The following GPM6A variants were observed in gnomAD, a reference collection of about 807,000 sequenced individuals.
GPM6A encodes glycoprotein M6A.
Under a neutral mutation model 32.1 loss-of-function variants are expected in GPM6A, and 7 were observed. The ratio of observed to expected loss-of-function variants is 0.22; its 90% CI spans 0.12 to 0.41. The LOEUF is 0.41. Ranked by LOEUF, GPM6A falls within the 10% of genes least tolerant of loss-of-function variation. GPM6A has a pLI of 1.00. For synonymous variants in GPM6A, 130 were observed against 123.4 expected, an observed-to-expected ratio of 1.05 and a Z score of -0.35; for missense variants, 235 against 347.2, an observed-to-expected ratio of 0.68 and a Z score of 2.57.
At chr4:175,785,990 G>GA (rs201815247) in intron 1 of GPM6A, among the ~76,000 whole-genome samples, 1 of 151,148 alleles carries the variant, frequency 6.6e-6, no homozygotes, top group Non-Finnish European at 1.5e-5. Flanking sequence ...CTTCGATAGA[G>GA]AAAAAAGAAA....
intron 1 of GPM6A, among the ~76,000 whole-genome samples, chr4:175,820,500 C>CTTTTTTT (rs66569311): frequency 6.4e-4 from 72 of 112,096 alleles, no homozygotes; most frequent in Non-Finnish European, 9.3e-4. Context: ...TCTTTTCTTT[C>CTTTTTTT]TTTTTTTTTT....
At chr4:175,785,563 C>G (rs1336316898) in intron 1 of GPM6A, among the ~76,000 whole-genome samples, 2 of 152,170 alleles carry the variant, frequency 1.3e-5, no homozygotes, top group Non-Finnish European at 2.9e-5. Context: ...TCACCCTTAA[C>G]AGTTACCCAA....
intron 3 of GPM6A, among the ~76,000 whole-genome samples, chr4:175,671,387 A>T (rs1248349020): frequency 2.0e-5 from 3 of 149,306 alleles, no homozygotes; most frequent in Admixed American, 6.8e-5. Flanking sequence ...GCACAGACTC[A>T]TTCACAGCTA....
In GPM6A at chr4:175,634,330, T is replaced by G. The variant is rs1174719993; in HGVS notation, c.*575A>C. On this transcript the variant is annotated 3_prime_UTR_variant, in exon 7 of 7. Transcript: ENST00000393658. ...TTTTTTAAACCTACTCTTACAAATT[T>G]AGAAATTGCACCTTAGATTGATGAA... 6.6e-6 allele frequency: 1 copy of G among 152,496 alleles called. No individual in the cohort carries two copies. The allele number at this position is 152,496 out of a possible 1,614,324, so 9.4% of individuals were successfully genotyped here. A position where few individuals can be genotyped will look rare whatever the true frequency, so the allele number is the denominator to read the frequency against.
chr4:175,714,434 A>C (rs1745723713), intron 1 of GPM6A, among the ~76,000 whole-genome samples: 2 of 151,968 alleles, frequency 1.3e-5, no homozygotes, highest in South Asian at 4.2e-4. Context: ...CCCAGGCTGG[A>C]GTGCAGTGGT....
chr4:175,648,400 A>T (rs1179756785), intron 4 of GPM6A, among the ~76,000 whole-genome samples: 2 of 152,216 alleles, frequency 1.3e-5, no homozygotes, highest in African/African-American at 4.8e-5. Flanking sequence ...GGGAGAGGCA[A>T]CTTTGCTGGC....
chr4:175,765,650 A>G (rs985427930), intron 1 of GPM6A, among the ~76,000 whole-genome samples: 1 of 152,162 alleles, frequency 6.6e-6, no homozygotes, highest in African/African-American at 2.4e-5. Context: ...GTATTTTTAT[A>G]CCCATATGTC....
chr4:175,861,095 T>C (rs1414797273), intron 1 of GPM6A, among the ~76,000 whole-genome samples: 1 of 152,056 alleles, frequency 6.6e-6, no homozygotes, highest in Admixed American at 6.6e-5. Context: ...GCTAATAACA[T>C]GCATATATAA....
rs767804970 is a variant in GPM6A, at chr4:175,826,285, TTCTCTC to T, written c.-22-14042_-22-14037del. On this transcript the variant is annotated intron_variant, in intron 1 of 7. Transcript: ENST00000280187. Reference sequence around the variant, plus strand: ...ACCTAATGCAGAAATTAATCTCTCTTTCTCTCTCTCTCTCTCTCTCCCCCTCCTCCC... The same window carrying T: ...ACCTAATGCAGAAATTAATCTCTCTTTCTCTCTCTCTCTCCCCCTCCTCCC... 2.7e-5 allele frequency among the ~76,000 whole-genome samples: 4 copies of T among 148,088 alleles called. No individual in the cohort carries two copies. The East Asian group carries it at 5.9e-4, about 22-fold the overall frequency.
chr4:175,845,324 A>G lies in GPM6A; in HGVS notation c.-22-33075T>C, dbSNP rs543023118. Among the ~76,000 whole-genome samples the G allele has an allele frequency of 1.9e-3, 291 of 152,228 alleles. 1 individual carries two copies. Among genetic ancestry groups the G allele is most frequent in the African/African-American group, 6.8e-3 (281 of 41,580 alleles). ...AGTAGACAATGGTGTGACCCACGTTATTAACTTGGAATGTAAATTTTTTAC... is the reference window on the plus strand; with the variant it reads ...AGTAGACAATGGTGTGACCCACGTTGTTAACTTGGAATGTAAATTTTTTAC... On this transcript the variant is annotated intron_variant, in intron 1 of 7. Transcript: ENST00000280187.
intron 3 of GPM6A, among the ~76,000 whole-genome samples, chr4:175,671,415 A>G (rs1200130356): frequency 6.8e-6 from 1 of 146,782 alleles, no homozygotes; most frequent in Non-Finnish European, 1.5e-5. Flanking sequence ...CAGGCAAAAG[A>G]GGTTAACAGG....
intron 1 of GPM6A, among the ~76,000 whole-genome samples, chr4:175,900,204 C>T (rs1293461886): frequency 6.7e-6 from 1 of 148,870 alleles, no homozygotes; most frequent in Non-Finnish European, 1.5e-5. Context: ...ACCCAAGAGG[C>T]GGAGGTTGCA....
chr4:175,887,035 C>G (rs1737482353), intron 1 of GPM6A, among the ~76,000 whole-genome samples: 1 of 151,868 alleles, frequency 6.6e-6, no homozygotes. Context: ...AATATTTCCA[C>G]ACAAAAGTCA....
chr4:175,787,569 A>G, intron 1 of GPM6A: 2 of 1,374,894 alleles, frequency 1.5e-6, no homozygotes, highest in Non-Finnish European at 1.9e-6. Context: ...CTTGTTGATG[A>G]TTTACAAGTA....
intron 1 of GPM6A, among the ~76,000 whole-genome samples, chr4:175,998,988 C>G (rs781717812): frequency 6.6e-6 from 1 of 152,074 alleles, no homozygotes; most frequent in Non-Finnish European, 1.5e-5. Flanking sequence ...CCAAACACAC[C>G]TCCTTACTGC....
intron 3 of GPM6A, among the ~76,000 whole-genome samples, 188 bp from the exon 4 acceptor site, chr4:175,652,175 C>G (rs1436184960): frequency 6.6e-6 from 1 of 152,112 alleles, no homozygotes; most frequent in Non-Finnish European, 1.5e-5. Context: ...GTGAATAAAC[C>G]TGCTGGAAAA....
intron 1 of GPM6A, among the ~76,000 whole-genome samples, chr4:175,951,312 T>C (rs1006521890): frequency 1.3e-5 from 2 of 152,200 alleles, no homozygotes; most frequent in Non-Finnish European, 2.9e-5. Flanking sequence ...CCATACATTA[T>C]GATTTTTTAA....
intron 1 of GPM6A, among the ~76,000 whole-genome samples, chr4:175,932,729 TATATC>T (rs1275429032): frequency 6.6e-6 from 1 of 152,184 alleles, no homozygotes; most frequent in South Asian, 2.1e-4. Flanking sequence ...TTATGGTTCT[TATATC>T]ATACATGAAG....
At chr4:175,639,459 A>G (rs1008818478) in intron 6 of GPM6A, among the ~76,000 whole-genome samples, 1 of 152,170 alleles carries the variant, frequency 6.6e-6, no homozygotes, top group East Asian at 1.9e-4. Context: ...ATCCTCAAGG[A>G]TACAAACAAA....
Sources: gnomAD v4.1 joint callset for allele counts (sites outside exome capture counted in the v4.1 genomes callset) on GRCh38, gnomAD v4.1.1 for gene constraint, MANE v1.5 for transcripts, NCBI Gene and HGNC (gene_info 2026-07-23, HGNC 2026-07-21) for gene names.